The following KHDRBS2 variants were observed in gnomAD, a reference collection of about 807,000 sequenced individuals.
The protein encoded by KHDRBS2 is KH RNA binding domain containing, signal transduction associated 2.
KHDRBS2 carries 26 observed loss-of-function variants against 44.3 expected under a neutral mutation model. That is an observed-to-expected ratio of 0.59 (90% CI 0.43 to 0.81). The LOEUF is 0.81. Ranked by LOEUF, KHDRBS2 falls within the 40% of genes least tolerant of loss-of-function variation. The pLI, the probability that KHDRBS2 is intolerant of heterozygous loss-of-function variation, is 0.00. For missense variants in KHDRBS2, 476 were observed against 433.1 expected (o/e 1.10, Z -0.88); for synonymous variants, 194 against 151.1 (o/e 1.28, Z -2.08).
chr6:62,253,902 A>G (rs1476761132), intron 1 of KHDRBS2, among the ~76,000 whole-genome samples: 1 of 152,000 alleles, frequency 6.6e-6, no homozygotes, highest in Admixed American at 6.6e-5. Context: ...CTGCATTTAC[A>G]TAGCCCTGAG....
chr6:61,960,420 T>A (rs756444654), intron 4 of KHDRBS2, among the ~76,000 whole-genome samples: 9 of 152,064 alleles, frequency 5.9e-5, no homozygotes, highest in Admixed American at 1.3e-4. Context: ...TAGGAAAAAA[T>A]TGCATCTAAT....
At chr6:61,993,328 T>C (rs1261608717) in intron 3 of KHDRBS2, among the ~76,000 whole-genome samples, 1 of 152,018 alleles carries the variant, frequency 6.6e-6, no homozygotes, top group Non-Finnish European at 1.5e-5. Flanking sequence ...TATATTTACA[T>C]AGGGCTTAGA....
intron 8 of KHDRBS2, among the ~76,000 whole-genome samples, 187 bp downstream of exon 8, chr6:61,697,008 G>T (rs1343753269): frequency 6.6e-6 from 1 of 151,998 alleles, no homozygotes; most frequent in East Asian, 1.9e-4. Flanking sequence ...TTAAAATTTT[G>T]ATCAAAATTG....
At chr6:62,100,762 A>G (rs3842920) in intron 2 of KHDRBS2, among the ~76,000 whole-genome samples, 94,094 of 152,044 alleles carry the variant, frequency 0.62, 29,332 homozygotes, top group African/African-American at 0.63. Context: ...ATAGTGTAGC[A>G]TAAACCTAAC....
At chr6:61,620,155 G>A in the KHDRBS2 span, among the ~76,000 whole-genome samples, 1 of 151,576 alleles carries the variant, frequency 6.6e-6, no homozygotes, top group Non-Finnish European at 1.5e-5. Context: ...TTAAAAATAT[G>A]CAATATAAAA....
chr6:61,722,328 A>G (rs1292384459), intron 7 of KHDRBS2, among the ~76,000 whole-genome samples: 1 of 152,108 alleles, frequency 6.6e-6, no homozygotes, highest in South Asian at 2.1e-4. Context: ...AATTTTCCTG[A>G]ACTAGCAATA....
chr6:61,558,926 T>C, the KHDRBS2 span, among the ~76,000 whole-genome samples: 4 of 152,148 alleles, frequency 2.6e-5, no homozygotes, highest in African/African-American at 9.7e-5. Flanking sequence ...AAATATCTAT[T>C]AGGTCCATTT....
At chr6:61,805,044 T>A (rs1011526171) in intron 6 of KHDRBS2, among the ~76,000 whole-genome samples, 1 of 152,200 alleles carries the variant, frequency 6.6e-6, no homozygotes, top group Non-Finnish European at 1.5e-5. Flanking sequence ...TCCAAACTTT[T>A]ATGCTTTGCT....
intron 2 of KHDRBS2, among the ~76,000 whole-genome samples, chr6:62,070,204 T>G (rs1337855308): frequency 6.6e-6 from 1 of 151,806 alleles, no homozygotes; most frequent in Non-Finnish European, 1.5e-5. Flanking sequence ...ATTTGGTTTG[T>G]AGTATTTTGA....
chr6:61,572,847 C>G, the KHDRBS2 span, among the ~76,000 whole-genome samples: 1 of 152,108 alleles, frequency 6.6e-6, no homozygotes, highest in Non-Finnish European at 1.5e-5. Context: ...CTATGAAAAA[C>G]CCACAGCCAA....
intron 6 of KHDRBS2, among the ~76,000 whole-genome samples, chr6:61,804,297 G>T (rs1054534704): frequency 6.6e-6 from 1 of 152,144 alleles, no homozygotes; most frequent in Non-Finnish European, 1.5e-5. Flanking sequence ...TCCAGATCAC[G>T]ATGATGCAAG....
At chr6:62,157,238 C>T (rs1166719365) in intron 2 of KHDRBS2, among the ~76,000 whole-genome samples, 3 of 151,136 alleles carry the variant, frequency 2.0e-5, no homozygotes, top group Non-Finnish European at 3.0e-5. Context: ...CAGGAGAATC[C>T]CTTGAACCCA....
At chr6:62,079,916 A>G (rs1797074683) in intron 2 of KHDRBS2, among the ~76,000 whole-genome samples, 1 of 152,120 alleles carries the variant, frequency 6.6e-6, no homozygotes, top group South Asian at 2.1e-4. Flanking sequence ...ATGCCTACAG[A>G]CATTCAAGCA....
intron 2 of KHDRBS2, among the ~76,000 whole-genome samples, chr6:62,109,146 G>T (rs1186329439): frequency 1.3e-5 from 2 of 150,854 alleles, no homozygotes; most frequent in Non-Finnish European, 3.0e-5. Context: ...GTTGAACAAG[G>T]GACGGTTGTC....
At chr6:61,611,803 G>T in the KHDRBS2 span, among the ~76,000 whole-genome samples, 1 of 152,118 alleles carries the variant, frequency 6.6e-6, no homozygotes, top group East Asian at 1.9e-4. Flanking sequence ...GTACCCATTA[G>T]GTAGTTTTTC....
chr6:61,987,820 C>T (rs140887828), intron 3 of KHDRBS2, among the ~76,000 whole-genome samples: 1 of 152,304 alleles, frequency 6.6e-6, no homozygotes, highest in African/African-American at 2.4e-5. Context: ...ACTCTTGTCA[C>T]TTCACTTCCA....
At chr6:61,636,790 T>C in the KHDRBS2 span, among the ~76,000 whole-genome samples, 1 of 152,074 alleles carries the variant, frequency 6.6e-6, no homozygotes, top group Non-Finnish European at 1.5e-5. Context: ...TAATTTTACT[T>C]CTATATGTAT....
chr6:61,656,798 T>A, the KHDRBS2 span, among the ~76,000 whole-genome samples: 1 of 151,956 alleles, frequency 6.6e-6, no homozygotes, highest in Admixed American at 6.6e-5. Context: ...CAAGATGACG[T>A]ATATACCATG....
In KHDRBS2 at chr6:61,977,063, T is replaced by C. The variant is rs185726189; in HGVS notation, c.483+1003A>G. ...CATATAAATAGATTATGTGACTAGATCTTGATGCTTTTAAATTCTTGAAAT... is the reference window on the plus strand; with the variant it reads ...CATATAAATAGATTATGTGACTAGACCTTGATGCTTTTAAATTCTTGAAAT... On this transcript the variant is annotated intron_variant, in intron 4 of 8. Coordinates refer to ENST00000281156, the MANE Select transcript of KHDRBS2 (RefSeq NM_152688.4). 3.2e-3 allele frequency among the ~76,000 whole-genome samples: 487 copies of C among 152,270 alleles called. 4 individuals are homozygous for C. The highest frequency in any genetic ancestry group is 0.011 in the African/African-American group (458 of 41,572).
Sources: allele counts gnomAD v4.1 joint callset (sites outside exome capture counted in the v4.1 genomes callset), GRCh38; gene constraint gnomAD v4.1.1; transcripts MANE v1.5; gene names NCBI Gene and HGNC (gene_info 2026-07-23, HGNC 2026-07-21).